Variants in MCPH1 observed in about 807,000 individuals in gnomAD.
The protein encoded by MCPH1 is microcephalin 1.
A neutral mutation model predicts 84.5 loss-of-function variants in MCPH1; 104 were observed. The ratio of observed to expected loss-of-function variants is 1.23; its 90% CI spans 1.05 to 1.45. The LOEUF (loss-of-function observed/expected upper bound fraction) is 1.45. MCPH1 is among the 40% of genes most tolerant of loss of function. MCPH1 has a pLI of 0.00. For missense variants in MCPH1, 1,498 were observed against 1,005.7 expected, an observed-to-expected ratio of 1.49 and a Z score of -6.62; for synonymous variants, 514 against 366.8, an observed-to-expected ratio of 1.40 and a Z score of -4.58.
Position 6,473,790 on chromosome 8 carries a change from G to T in MCPH1, c.1936-3804G>T, listed in dbSNP as rs1223630829. On this transcript the variant is annotated intron_variant, in intron 9 of 13. Coordinates refer to ENST00000344683, the MANE Select transcript of MCPH1 (RefSeq NM_024596.5). ...CTGATACTTAAACAATTTCTATGAT[G>T]TCAGCAGAGAGATATCAGCAAGAGT... The T allele has an allele frequency of 4.9e-6, 5 of 1,012,648 alleles. No homozygotes were observed. In the African/African-American group the frequency reaches 8.2e-5, roughly 17 times the overall value. The allele number at this position is 1,012,648 out of a possible 1,614,324, so 62.7% of individuals were successfully genotyped here. A position where few individuals can be genotyped will look rare whatever the true frequency, so the allele number is the denominator to read the frequency against.
intron 12 of MCPH1, among the ~76,000 whole-genome samples, chr8:6,521,694 G>T (rs541695635): frequency 6.6e-6 from 1 of 152,298 alleles, no homozygotes; most frequent in African/African-American, 2.4e-5. Flanking sequence ...TGGGATATGG[G>T]TGTTTTTTGT....
chr8:6,410,038 C>T (rs2129550881), intron 2 of MCPH1, among the ~76,000 whole-genome samples: 1 of 152,074 alleles, frequency 6.6e-6, no homozygotes, highest in East Asian at 1.9e-4. Context: ...GACGCGATCT[C>T]AGCTCACTGC....
intron 13 of MCPH1, among the ~76,000 whole-genome samples, chr8:6,638,616 T>A (rs1797724044): frequency 6.6e-6 from 1 of 151,876 alleles, no homozygotes; most frequent in African/African-American, 2.4e-5. Context: ...AATTTAAATT[T>A]CACGGAGCTG....
At chr8:6,424,385 G>A (rs1585668067) in intron 3 of MCPH1, among the ~76,000 whole-genome samples, 1 of 152,160 alleles carries the variant, frequency 6.6e-6, no homozygotes, top group Non-Finnish European at 1.5e-5. Context: ...TGCATTTAGT[G>A]TTTGCTGGAA....
At chr8:6,577,017 CT>C in intron 12 of MCPH1, among the ~76,000 whole-genome samples, 1 of 152,264 alleles carries the variant, frequency 6.6e-6, no homozygotes, top group Admixed American at 6.5e-5. Flanking sequence ...AGGAGGCCCC[CT>C]TTGCCACGGA....
At chr8:6,511,075 C>G (rs1353673142) in intron 12 of MCPH1, among the ~76,000 whole-genome samples, 1 of 152,184 alleles carries the variant, frequency 6.6e-6, no homozygotes, top group East Asian at 1.9e-4. Context: ...TCTCTCTTGT[C>G]TCCTTTGAAC....
intron 1 of MCPH1, chr8:6,406,989 C>T: frequency 2.2e-6 from 1 of 453,292 alleles, no homozygotes; most frequent in South Asian, 2.1e-5. Context: ...ACTGCTTGTG[C>T]CCCAACCCCC....
intron 12 of MCPH1, among the ~76,000 whole-genome samples, chr8:6,536,012 G>A (rs771475594): frequency 6.6e-6 from 1 of 152,080 alleles, no homozygotes; most frequent in Non-Finnish European, 1.5e-5. Context: ...AGCCATGATC[G>A]TGCCACTGCA....
chr8:6,626,260 A>C, intron 13 of MCPH1: 2 of 985,412 alleles, frequency 2.0e-6, no homozygotes, highest in Non-Finnish European at 2.4e-6. Context: ...CTCAGTATAC[A>C]AAATGTAAGC....
intron 12 of MCPH1, among the ~76,000 whole-genome samples, chr8:6,514,481 G>A (rs540796630): frequency 5.3e-5 from 8 of 152,290 alleles, no homozygotes; most frequent in South Asian, 2.1e-4. Context: ...GAGCCAGCAC[G>A]TCTGGCTGCA....
At chr8:6,534,838 C>G (rs75195933) in intron 12 of MCPH1, among the ~76,000 whole-genome samples, 10,042 of 152,080 alleles carry the variant, frequency 0.066, 1,140 homozygotes, top group African/African-American at 0.23. Flanking sequence ...AAAACTGTAA[C>G]TTTTGTGATT....
At chr8:6,535,966 A>G (rs1157462826) in intron 12 of MCPH1, among the ~76,000 whole-genome samples, 2 of 152,010 alleles carry the variant, frequency 1.3e-5, no homozygotes, top group Non-Finnish European at 2.9e-5. Flanking sequence ...CTGAGGTGGG[A>G]GGACTGCTTG....
At chr8:6,446,337 A>G in intron 8 of MCPH1, 2 of 985,162 alleles carry the variant, frequency 2.0e-6, no homozygotes, top group Non-Finnish European at 2.4e-6. Context: ...TTGAGTGAGA[A>G]CGCATTCTCT....
At chr8:6,579,114 C>T (rs111666081) in intron 12 of MCPH1, among the ~76,000 whole-genome samples, 2 of 152,178 alleles carry the variant, frequency 1.3e-5, no homozygotes, top group Admixed American at 6.5e-5. Flanking sequence ...GAAGGGAGAA[C>T]GTCTTTCATT....
At chr8:6,541,500 G>A (rs972276356) in intron 12 of MCPH1, among the ~76,000 whole-genome samples, 23 of 152,302 alleles carry the variant, frequency 1.5e-4, no homozygotes, top group African/African-American at 5.3e-4. Context: ...CAAAGCCAGG[G>A]TTGTCATGCA....
intron 12 of MCPH1, among the ~76,000 whole-genome samples, chr8:6,581,084 G>C (rs1455442639): frequency 6.6e-6 from 1 of 152,218 alleles, no homozygotes; most frequent in African/African-American, 2.4e-5. Context: ...GTGGGAAGAT[G>C]TGCCTAGGTT....
At chr8:6,462,723 A>G (rs1022596360) in intron 9 of MCPH1, among the ~76,000 whole-genome samples, 5 of 152,216 alleles carry the variant, frequency 3.3e-5, no homozygotes, top group African/African-American at 1.2e-4. Flanking sequence ...TTCTTTGTGT[A>G]TAAAACAGGA....
intron 12 of MCPH1, among the ~76,000 whole-genome samples, chr8:6,591,536 C>G (rs62496915): frequency 0.098 from 14,948 of 152,236 alleles, 800 homozygotes; most frequent in South Asian, 0.21. Context: ...TTTAAAATAC[C>G]TGAATGTCCT....
At chr8:6,505,328 C>T (rs1462754058) in intron 12 of MCPH1, among the ~76,000 whole-genome samples, 11 of 48,544 alleles carry the variant, frequency 2.3e-4, no homozygotes, top group African/African-American at 2.4e-4. Context: ...ATGTTATATA[C>T]ATATAGAAAG....
Sources: gnomAD v4.1 joint callset for allele counts (sites outside exome capture counted in the v4.1 genomes callset) on GRCh38, gnomAD v4.1.1 for gene constraint, MANE v1.5 for transcripts, NCBI Gene and HGNC (gene_info 2026-07-23, HGNC 2026-07-21) for gene names.